The following ATG7 variants were observed in gnomAD, a reference collection of about 807,000 sequenced individuals.
ATG7 encodes autophagy related 7.
Under a neutral mutation model 82.4 loss-of-function variants are expected in ATG7, and 70 were observed. That is an observed-to-expected ratio of 0.85 (90% confidence interval 0.70 to 1.04). The LOEUF is 1.04. ATG7 is among the 50% of genes least tolerant of loss of function. The pLI is 0.00. For synonymous variants in ATG7, 287 were observed against 313.0 expected, an observed-to-expected ratio of 0.92 and a Z score of 0.88; for missense variants, 792 against 864.3, an observed-to-expected ratio of 0.92 and a Z score of 1.05.
At chr3:11,371,076 A>G (rs973595991) in intron 18 of ATG7, among the ~76,000 whole-genome samples, 3 of 151,086 alleles carry the variant, frequency 2.0e-5, no homozygotes, top group Non-Finnish European at 4.4e-5. Flanking sequence ...AATGAGATGC[A>G]ATGTATGAAA....
intron 17 of ATG7, among the ~76,000 whole-genome samples, chr3:11,364,197 T>C (rs767218792): frequency 6.6e-5 from 10 of 152,230 alleles, no homozygotes; most frequent in African/African-American, 9.6e-5. Context: ...TTCATTAGCA[T>C]TTATATCAGC....
At chr3:11,574,814 T>A in the ATG7 span, among the ~76,000 whole-genome samples, 1 of 150,886 alleles carries the variant, frequency 6.6e-6, no homozygotes, top group African/African-American at 2.4e-5. Context: ...TGTGTGTGTG[T>A]GTGTGTGTGT....
chr3:11,567,886 C>T, the ATG7 span, among the ~76,000 whole-genome samples: 277 of 152,344 alleles, frequency 1.8e-3, 3 homozygotes, highest in Middle Eastern at 0.014. Context: ...CCAGGTGATG[C>T]TTCCACGGGC....
intron 9 of ATG7, among the ~76,000 whole-genome samples, chr3:11,326,417 GTC>G (rs1310114141): frequency 1.3e-5 from 2 of 152,052 alleles, no homozygotes; most frequent in Non-Finnish European, 2.9e-5. Flanking sequence ...TCCTGCCTCA[GTC>G]TCCCGAGTAG....
chr3:11,504,529 G>A (rs986997643), intron 20 of ATG7, among the ~76,000 whole-genome samples: 2 of 152,232 alleles, frequency 1.3e-5, no homozygotes, highest in Non-Finnish European at 2.9e-5. Flanking sequence ...TGGGGTGGCA[G>A]CTGGGCCTGA....
At chr3:11,491,343 C>G (rs1199275542) in intron 20 of ATG7, among the ~76,000 whole-genome samples, 1 of 152,162 alleles carries the variant, frequency 6.6e-6, no homozygotes, top group African/African-American at 2.4e-5. Flanking sequence ...AAGCACTTCT[C>G]TGTATTGGTT....
At chr3:11,417,805 A>ATTTTTTTTTTTTTTTTTTTTT (rs200364263) in intron 19 of ATG7, among the ~76,000 whole-genome samples, 8 of 52,742 alleles carry the variant, frequency 1.5e-4, no homozygotes, top group East Asian at 4.9e-4. Context: ...TTATTATTTT[A>ATTTTTTTTTTTTTTTTTTTTT]TTTTATTTTA....
intron 14 of ATG7, among the ~76,000 whole-genome samples, chr3:11,351,855 T>C (rs1180785875): frequency 2.0e-5 from 3 of 151,882 alleles, no homozygotes; most frequent in African/African-American, 7.3e-5. Context: ...TAGTTTCTTT[T>C]TTTTTTTTTA....
intron 20 of ATG7, among the ~76,000 whole-genome samples, chr3:11,475,656 C>T (rs549564201): frequency 7.2e-5 from 11 of 152,244 alleles, no homozygotes; most frequent in African/African-American, 2.4e-4. Flanking sequence ...CAGAACATGG[C>T]AAGCTCCTGA....
At chr3:11,314,289 A>T (rs538809332) in intron 8 of ATG7, among the ~76,000 whole-genome samples, 1 of 152,358 alleles carries the variant, frequency 6.6e-6, no homozygotes, top group South Asian at 2.1e-4. Context: ...TAAGGCAAAG[A>T]TTATGTGTCA....
At chr3:11,500,682 T>C (rs1039020049) in intron 20 of ATG7, among the ~76,000 whole-genome samples, 11 of 152,174 alleles carry the variant, frequency 7.2e-5, no homozygotes, top group Non-Finnish European at 1.5e-4. Context: ...AGTTTTGCTC[T>C]TGTTACCCAG....
chr3:11,523,659 C>T (rs1404396636), intron 20 of ATG7, among the ~76,000 whole-genome samples: 1 of 152,172 alleles, frequency 6.6e-6, no homozygotes, highest in Non-Finnish European at 1.5e-5. Context: ...AGGAAGTGCT[C>T]TGGTGATGTT....
chr3:11,334,234 C>T (rs767407858), intron 11 of ATG7, among the ~76,000 whole-genome samples: 6 of 151,966 alleles, frequency 3.9e-5, no homozygotes, highest in Non-Finnish European at 5.9e-5. Flanking sequence ...TTTCAGAGCA[C>T]TTTCACAACA....
intron 20 of ATG7, among the ~76,000 whole-genome samples, chr3:11,519,539 GTTTTTTTTTTTTTTTTTTTTTTT>G (rs574523805): frequency 1.6e-4 from 10 of 62,152 alleles, no homozygotes; most frequent in Non-Finnish European, 3.0e-4. Context: ...AGTGAGAGGA[GTTTTTTTTTTTTTTTTTTTTTTT>G]TTTTTTTTTT....
At chr3:11,464,186 A>G (rs2086612245) in intron 20 of ATG7, among the ~76,000 whole-genome samples, 1 of 152,152 alleles carries the variant, frequency 6.6e-6, no homozygotes, top group Non-Finnish European at 1.5e-5. Context: ...AGCCTGGGCA[A>G]CATGGTGAAA....
chr3:11,471,316 G>A (rs919491514), intron 20 of ATG7, among the ~76,000 whole-genome samples: 2 of 152,060 alleles, frequency 1.3e-5, no homozygotes, highest in Non-Finnish European at 2.9e-5. Flanking sequence ...ACACCTACTT[G>A]GTCTTCAAGC....
At chr3:11,561,827 C>CG (rs34665270), downstream of ATG7, among the ~76,000 whole-genome samples, 31 of 150,322 alleles carry the variant, frequency 2.1e-4, no homozygotes, top group Admixed American at 1.1e-3. Context: ...GAGGCTGCCC[C>CG]GGGGGAGAGG....
chr3:11,514,343 C>T (rs183299526), intron 20 of ATG7, among the ~76,000 whole-genome samples: 61 of 152,312 alleles, frequency 4.0e-4, no homozygotes, highest in Admixed American at 7.2e-4. Flanking sequence ...TGAAGATGGG[C>T]GTTTGCAATT....
At chr3:11,361,080 C>T (rs1028690732) in intron 16 of ATG7, among the ~76,000 whole-genome samples, 1 of 152,136 alleles carries the variant, frequency 6.6e-6, no homozygotes, top group Non-Finnish European at 1.5e-5. Flanking sequence ...GTCTCCGGTG[C>T]TTCTCTTAGT....
Sources: allele counts gnomAD v4.1 joint callset (sites outside exome capture counted in the v4.1 genomes callset), GRCh38; gene constraint gnomAD v4.1.1; transcripts MANE v1.5; gene names NCBI Gene and HGNC (gene_info 2026-07-23, HGNC 2026-07-21).